The following TUSC3 variants were observed in gnomAD, a reference collection of about 807,000 sequenced individuals.
The protein encoded by TUSC3 is tumor suppressor candidate 3.
In TUSC3, 45 loss-of-function variants were observed where a neutral mutation model predicts 44.8. The ratio of observed to expected loss-of-function variants is 1.00; its 90% CI spans 0.79 to 1.29. The LOEUF (loss-of-function observed/expected upper bound fraction) is 1.29, where lower values mean the gene tolerates loss of function less well. Ranked by LOEUF, TUSC3 falls within the 50% of genes most tolerant of loss-of-function variation. The pLI, the probability that TUSC3 is intolerant of heterozygous loss-of-function variation, is 0.00. For missense variants in TUSC3, 519 were observed against 437.9 expected, an observed-to-expected ratio of 1.19 and a Z score of -1.65; for synonymous variants, 212 against 152.9, an observed-to-expected ratio of 1.39 and a Z score of -2.85.
chr8:15,439,675 G>C (rs1264215408), intron 1 of TUSC3, among the ~76,000 whole-genome samples: 1 of 152,236 alleles, frequency 6.6e-6, no homozygotes, highest in Non-Finnish European at 1.5e-5. Flanking sequence ...GTGAGGACTA[G>C]ATCTCAAGTG....
At chr8:15,750,669 C>G (rs1811658296) in intron 9 of TUSC3, among the ~76,000 whole-genome samples, 1 of 151,916 alleles carries the variant, frequency 6.6e-6, no homozygotes, top group Non-Finnish European at 1.5e-5. Context: ...TTGGCCTCAC[C>G]ATAGATATAA....
chr8:15,734,021 C>T (rs751935766), intron 7 of TUSC3, among the ~76,000 whole-genome samples: 3 of 152,084 alleles, frequency 2.0e-5, no homozygotes, highest in South Asian at 2.1e-4. Flanking sequence ...TGAATCTGGG[C>T]GATAGAGTGA....
intron 1 of TUSC3, among the ~76,000 whole-genome samples, chr8:15,569,744 A>G (rs1486871755): frequency 6.6e-6 from 1 of 152,022 alleles, no homozygotes; most frequent in Non-Finnish European, 1.5e-5. Context: ...ATTTTTGTTG[A>G]TTAGCATAAT....
chr8:15,692,782 T>C (rs1808976182), intron 6 of TUSC3, among the ~76,000 whole-genome samples: 1 of 152,222 alleles, frequency 6.6e-6, no homozygotes, highest in Admixed American at 6.5e-5. Context: ...TTACTAGTTT[T>C]CCACTATTGG....
intron 6 of TUSC3, among the ~76,000 whole-genome samples, chr8:15,676,457 C>T (rs557143519): frequency 7.2e-5 from 11 of 152,174 alleles, no homozygotes; most frequent in Non-Finnish European, 1.2e-4. Context: ...TTTTGCTGTG[C>T]CAAAGCCTTT....
At position 15,493,193 on chromosome 8, in the gene TUSC3, C is replaced by T. The variant is rs555704729; in HGVS notation, n.189+9710C>T. Among the ~76,000 whole-genome samples, 6 of 152,318 alleles carry T rather than the reference C, an allele frequency of 3.9e-5. No homozygotes were observed. In the East Asian group the frequency reaches 9.7e-4, roughly 25 times the overall value. The stretch of plus-strand genomic sequence containing the variant: ...GTGAATGAAAGAACCAAAAATTCCA[C>T]CCTGGTCTCTGATGTTTCTGTATTA... On this transcript the variant is annotated intron_variant and non_coding_transcript_variant, in intron 2 of 5. Coordinates refer to the TUSC3 transcript ENST00000503191.
chr8:15,618,546 G>A (rs1412162697), intron 1 of TUSC3, among the ~76,000 whole-genome samples: 1 of 152,008 alleles, frequency 6.6e-6, no homozygotes, highest in Admixed American at 6.5e-5. Context: ...GGGTCTTCAG[G>A]TGCAATAACA....
At chr8:15,602,828 A>G (rs1160457942) in intron 1 of TUSC3, among the ~76,000 whole-genome samples, 1 of 151,560 alleles carries the variant, frequency 6.6e-6, no homozygotes, top group Non-Finnish European at 1.5e-5. Context: ...TATTCCTTTT[A>G]TACAAAGAAA....
chr8:15,538,817 A>C (rs1801575396), upstream of TUSC3, among the ~76,000 whole-genome samples: 1 of 151,662 alleles, frequency 6.6e-6, no homozygotes, highest in African/African-American at 2.4e-5. Flanking sequence ...ATACGTATAT[A>C]TTCCTTAAGT....
In TUSC3 at chr8:15,742,687, A is replaced by G. The variant is rs562201879; in HGVS notation, c.863-851A>G. On this transcript the variant is annotated intron_variant, in intron 7 of 10. Coordinates refer to ENST00000503731, the MANE Select transcript of TUSC3 (RefSeq NM_006765.4). ...AGGGAATCATAATGAAATTAAGCAAATTGAGGAGGTTCTGGGCTAGAATTG... is the reference window on the plus strand; with the variant it reads ...AGGGAATCATAATGAAATTAAGCAAGTTGAGGAGGTTCTGGGCTAGAATTG... Among the ~76,000 whole-genome samples the G allele has an allele frequency of 1.0e-3, 158 of 152,338 alleles. No homozygotes were observed. The Middle Eastern group carries it at 0.014, about 13-fold the overall frequency.
At chr8:15,816,192 T>A in the TUSC3 span, among the ~76,000 whole-genome samples, 1 of 152,156 alleles carries the variant, frequency 6.6e-6, no homozygotes, top group Non-Finnish European at 1.5e-5. Context: ...TGGCTGTCTT[T>A]ATTAATGAGT....
chr8:15,762,657 G>C (rs538674713), intron 10 of TUSC3, among the ~76,000 whole-genome samples: 1 of 152,210 alleles, frequency 6.6e-6, no homozygotes, highest in South Asian at 2.1e-4. Flanking sequence ...CTAGTTTTAA[G>C]TATCAGTTCA....
intron 10 of TUSC3, among the ~76,000 whole-genome samples, chr8:15,762,416 C>T (rs1189287515): frequency 6.6e-6 from 1 of 151,874 alleles, no homozygotes; most frequent in Admixed American, 6.6e-5. Context: ...AGTAGCATAA[C>T]TAAAGATAAC....
chr8:15,437,014 C>T (rs1389579383), intron 1 of TUSC3, among the ~76,000 whole-genome samples: 2 of 152,104 alleles, frequency 1.3e-5, no homozygotes, highest in African/African-American at 4.8e-5. Flanking sequence ...TGCATGAACA[C>T]AGGAAATGGG....
At chr8:15,458,969 C>G (rs1288202751) in intron 1 of TUSC3, among the ~76,000 whole-genome samples, 1 of 152,196 alleles carries the variant, frequency 6.6e-6, no homozygotes, top group East Asian at 1.9e-4. Flanking sequence ...TTAAGTTAAT[C>G]TTTTCACCAA....
At chr8:15,793,036 T>G in the TUSC3 span, among the ~76,000 whole-genome samples, 1 of 152,060 alleles carries the variant, frequency 6.6e-6, no homozygotes, top group Non-Finnish European at 1.5e-5. Flanking sequence ...GTTTCTCTTC[T>G]CCCAACAACC....
downstream of TUSC3, among the ~76,000 whole-genome samples, chr8:15,769,046 CT>C (rs1197967495): frequency 1.3e-5 from 2 of 152,116 alleles, no homozygotes; most frequent in South Asian, 2.1e-4. Context: ...CTGCCATTGA[CT>C]TTCTTTATAG....
chr8:15,515,577 C>A (rs1187562702), intron 2 of TUSC3, among the ~76,000 whole-genome samples: 1 of 151,938 alleles, frequency 6.6e-6, no homozygotes, highest in Non-Finnish European at 1.5e-5. Context: ...CAGCCTAGAG[C>A]AAAATATCAT....
intron 2 of TUSC3, among the ~76,000 whole-genome samples, chr8:15,624,282 A>G (rs1019472283): frequency 1.3e-5 from 2 of 152,138 alleles, no homozygotes; most frequent in Non-Finnish European, 2.9e-5. Context: ...TGGTATGAGC[A>G]TTTTTCTGCA....
Sources: allele counts gnomAD v4.1 joint callset (sites outside exome capture counted in the v4.1 genomes callset), GRCh38; gene constraint gnomAD v4.1.1; transcripts MANE v1.5; gene names NCBI Gene and HGNC (gene_info 2026-07-23, HGNC 2026-07-21).